Variants in TRIO observed in about 807,000 individuals in gnomAD.
TRIO encodes the protein triple functional domain protein.
In TRIO, 58 loss-of-function variants were observed where a neutral mutation model predicts 351.9. The ratio of observed to expected loss-of-function variants is 0.16; its 90% CI spans 0.13 to 0.21. The LOEUF (loss-of-function observed/expected upper bound fraction) is 0.21. Among genes scored for constraint, TRIO ranks in the 10% least tolerant of loss-of-function variants. TRIO has a pLI of 1.00. For missense variants in TRIO, 3,201 were observed against 4,027.8 expected (o/e 0.79, Z 5.56); for synonymous variants, 1,758 against 1,595.7 (o/e 1.10, Z -2.42).
intron 1 of TRIO, among the ~76,000 whole-genome samples, chr5:14,194,628 C>A (rs1790656134): frequency 6.6e-6 from 1 of 152,166 alleles, no homozygotes; most frequent in Non-Finnish European, 1.5e-5. Flanking sequence ...AGAGGCATAT[C>A]TCTGAATATT....
At chr5:14,451,776 A>G (rs1029642843) in intron 34 of TRIO, among the ~76,000 whole-genome samples, 1 of 152,276 alleles carries the variant, frequency 6.6e-6, no homozygotes, top group African/African-American at 2.4e-5. Context: ...CCTTACAACT[A>G]GAATTTTAAA....
intron 49 of TRIO, 67 bp from the exon 50 acceptor site, chr5:14,496,812 C>G: frequency 6.3e-7 from 1 of 1,575,304 alleles, no homozygotes; most frequent in South Asian, 1.2e-5. Flanking sequence ...TTTTCTTTAA[C>G]GCTTCCAGGC....
chr5:14,382,943 GTGTGTGTGTGTC>G (rs1299036762), intron 21 of TRIO, among the ~76,000 whole-genome samples: 1 of 151,560 alleles, frequency 6.6e-6, no homozygotes, highest in African/African-American at 2.4e-5. Context: ...GTATTTAGGG[GTGTGTGTGTGTC>G]TGTGTGTGTG....
intron 6 of TRIO, among the ~76,000 whole-genome samples, chr5:14,296,721 G>A (rs150655953): frequency 1.4e-4 from 22 of 152,306 alleles, no homozygotes; most frequent in African/African-American, 4.8e-4. Flanking sequence ...CTGCCTGGCA[G>A]CAGGCTTGCC....
intron 1 of TRIO, among the ~76,000 whole-genome samples, chr5:14,159,723 C>G (rs375853420): frequency 6.0e-4 from 91 of 152,224 alleles, no homozygotes; most frequent in African/African-American, 2.1e-3. Flanking sequence ...CCACCACACC[C>G]AGCTCATTTA....
At position 14,508,450 on chromosome 5, in the gene TRIO, T is replaced by A; in HGVS notation, c.*28T>A. The A allele has an allele frequency of 6.4e-7, 1 of 1,553,552 alleles. No homozygotes were observed. Among genetic ancestry groups the A allele is most frequent in the Non-Finnish European group, 8.7e-7 (1 of 1,150,672 alleles). The stretch of plus-strand genomic sequence containing the variant: ...TATCCAGAAGTTCTTTCTCATTCTC[T>A]TTCACCTGCCAATCAGCTGTTAATC... On this transcript the variant is annotated 3_prime_UTR_variant, in exon 57 of 57. Coordinates refer to ENST00000344204, the MANE Select transcript of TRIO (RefSeq NM_007118.4).
intron 21 of TRIO, among the ~76,000 whole-genome samples, chr5:14,381,662 TTTAGATGG>T (rs1746117609): frequency 6.6e-6 from 1 of 152,214 alleles, no homozygotes; most frequent in Admixed American, 6.5e-5. Flanking sequence ...TTTCACCGTC[TTTAGATGG>T]TGAAAACTGT....
In TRIO at chr5:14,267,585, C is replaced by T. The variant is rs1221155353; in HGVS notation, c.158-3240C>T. Among the ~76,000 whole-genome samples the T allele has an allele frequency of 3.3e-5, 5 of 152,156 alleles. No individual in the cohort carries two copies. The East Asian group carries it at 7.7e-4, about 23-fold the overall frequency. The stretch of plus-strand genomic sequence containing the variant: ...GCCACTTATTTTTAATTTTTTAGAA[C>T]GTTTTTATAGTTCCACACTGTTTTC... On this transcript the variant is annotated intron_variant, in intron 1 of 56. Transcript: ENST00000344204.
intron 33 of TRIO, among the ~76,000 whole-genome samples, chr5:14,413,387 A>G (rs1749361273): frequency 6.6e-6 from 1 of 152,176 alleles, no homozygotes; most frequent in South Asian, 2.1e-4. Context: ...CTAATATTCA[A>G]AGGGTGGGTT....
intron 34 of TRIO, among the ~76,000 whole-genome samples, chr5:14,440,101 C>T (rs558931741): frequency 6.6e-6 from 1 of 152,094 alleles, no homozygotes; most frequent in South Asian, 2.1e-4. Flanking sequence ...CCATAAAAAA[C>T]AGCACAAATA....
At chr5:14,163,195 G>T (rs756922504) in intron 1 of TRIO, among the ~76,000 whole-genome samples, 5 of 152,006 alleles carry the variant, frequency 3.3e-5, no homozygotes, top group Non-Finnish European at 7.4e-5. Context: ...GCCCTGGTCC[G>T]GTGTGTGATG....
intron 35 of TRIO, 138 bp downstream of exon 35, chr5:14,461,449 T>G: frequency 3.2e-6 from 4 of 1,257,202 alleles, no homozygotes; most frequent in East Asian, 5.4e-5. Flanking sequence ...TTCAAGTCTC[T>G]GCTTAGCAGA....
At chr5:14,506,032 T>C (rs1757653632) in intron 55 of TRIO, among the ~76,000 whole-genome samples, 1 of 151,924 alleles carries the variant, frequency 6.6e-6, no homozygotes, top group African/African-American at 2.4e-5. Flanking sequence ...TGGGGCGATG[T>C]GTGTGGAAGA....
chr5:14,242,442 A>C (rs1794186996), intron 1 of TRIO, among the ~76,000 whole-genome samples: 1 of 152,248 alleles, frequency 6.6e-6, no homozygotes, highest in Admixed American at 6.5e-5. Context: ...AATATTATTA[A>C]AATTGATAGA....
intron 1 of TRIO, among the ~76,000 whole-genome samples, chr5:14,233,205 G>A (rs919077636): frequency 1.3e-5 from 2 of 151,624 alleles, no homozygotes; most frequent in Non-Finnish European, 2.9e-5. Context: ...AGAATCATGG[G>A]TACAGTGGCT....
At chr5:14,277,839 T>A (rs934040954) in intron 2 of TRIO, among the ~76,000 whole-genome samples, 3 of 152,200 alleles carry the variant, frequency 2.0e-5, no homozygotes, top group Non-Finnish European at 4.4e-5. Context: ...TTTCTAAGAT[T>A]TTTTCTTCAT....
intron 7 of TRIO, among the ~76,000 whole-genome samples, chr5:14,297,860 C>T (rs1354204155): frequency 6.6e-6 from 1 of 152,230 alleles, no homozygotes; most frequent in Non-Finnish European, 1.5e-5. Flanking sequence ...CGCACCAGCT[C>T]CTCCTCAGCC....
intron 1 of TRIO, among the ~76,000 whole-genome samples, chr5:14,204,659 ACCC>A (rs1791347387): frequency 6.6e-6 from 1 of 152,186 alleles, no homozygotes; most frequent in South Asian, 2.1e-4. Context: ...GAAGTCCTGA[ACCC>A]TGTCTCTCAT....
intron 48 of TRIO, among the ~76,000 whole-genome samples, chr5:14,489,481 A>G (rs1756312982): frequency 6.6e-6 from 1 of 152,092 alleles, no homozygotes; most frequent in African/African-American, 2.4e-5. Flanking sequence ...GGTGGTGGGG[A>G]GATGCAGTCA....
Sources: gnomAD v4.1 joint callset for allele counts (sites outside exome capture counted in the v4.1 genomes callset) on GRCh38, gnomAD v4.1.1 for gene constraint, MANE v1.5 for transcripts, NCBI Gene and HGNC (gene_info 2026-07-23, HGNC 2026-07-21) for gene names.